The following KCNQ5 variants were observed in gnomAD, a reference collection of about 807,000 sequenced individuals.
KCNQ5 encodes the protein potassium voltage-gated channel subfamily Q member 5, also known as potassium voltage-gated channel subfamily KQT member 5.
A neutral mutation model predicts 98.2 loss-of-function variants in KCNQ5; 30 were observed. The observed-to-expected ratio is 0.31, with a 90% CI of 0.23 to 0.41. The LOEUF is 0.41. KCNQ5 is among the 10% of genes least tolerant of loss of function. The probability of loss-of-function intolerance (pLI) is 1.00; values close to 1 mark genes in which losing one functional copy is unlikely to be tolerated. For synonymous variants in KCNQ5, 458 were observed against 449.4 expected (o/e 1.02, Z -0.24); for missense variants, 835 against 1,182.5 (o/e 0.71, Z 4.31).
At chr6:73,175,558 T>A (rs1316233483) in intron 11 of KCNQ5, among the ~76,000 whole-genome samples, 1 of 152,226 alleles carries the variant, frequency 6.6e-6, no homozygotes, top group Non-Finnish European at 1.5e-5. Flanking sequence ...CCAGGCACCC[T>A]CTGAAGAAGC....
intron 1 of KCNQ5, among the ~76,000 whole-genome samples, chr6:72,880,583 A>G (rs1281397503): frequency 6.6e-6 from 1 of 152,184 alleles, no homozygotes; most frequent in Non-Finnish European, 1.5e-5. Flanking sequence ...GTGAGTAACA[A>G]TGAAGGTTAC....
intron 11 of KCNQ5, among the ~76,000 whole-genome samples, chr6:73,185,882 GA>G (rs1304109993): frequency 2.6e-5 from 4 of 152,170 alleles, no homozygotes; most frequent in African/African-American, 7.2e-5. Context: ...TTCTTTTAAC[GA>G]AAGTATAATG....
At chr6:72,730,996 C>A (rs966395756) in intron 1 of KCNQ5, among the ~76,000 whole-genome samples, 1 of 152,130 alleles carries the variant, frequency 6.6e-6, no homozygotes, top group African/African-American at 2.4e-5. Context: ...AAGCTTTCTT[C>A]ATATGGTTCT....
chr6:72,854,758 T>TGTGTGTGTGTGTGTGTGTG, intron 1 of KCNQ5, among the ~76,000 whole-genome samples: 1 of 127,158 alleles, frequency 7.9e-6, no homozygotes, highest in African/African-American at 3.0e-5. Context: ...ACACCATGGT[T>TGTGTGTGTGTGTGTGTGTG]TGTGTGTGTG....
At chr6:73,065,821 C>T (rs1408823093) in intron 3 of KCNQ5, among the ~76,000 whole-genome samples, 1 of 152,182 alleles carries the variant, frequency 6.6e-6, no homozygotes, top group East Asian at 1.9e-4. Flanking sequence ...GTCATGGCTC[C>T]TCTGAGATGC....
intron 1 of KCNQ5, among the ~76,000 whole-genome samples, chr6:72,770,128 A>G (rs996581482): frequency 6.6e-6 from 1 of 152,194 alleles, no homozygotes; most frequent in Admixed American, 6.5e-5. Context: ...ATGGATTTTA[A>G]TGGCTCATTT....
At position 73,137,049 on chromosome 6, in the gene KCNQ5, A is replaced by T. The variant is rs2797087; in HGVS notation, c.1468+3408A>T. ...TCAGATCAACCTTTAAGTTAATAAC[A>T]AAAAGTTATATTTGGAAAATAATAG... On this transcript the variant is annotated intron_variant, in intron 10 of 13. Transcript: ENST00000370398. Among the ~76,000 whole-genome samples the T allele has an allele frequency of 0.054, 8,243 of 152,272 alleles. 263 individuals carry two copies. The highest frequency in any genetic ancestry group is 0.093 in the African/African-American group (3,856 of 41,562).
At chr6:72,810,992 T>A (rs1775214408) in intron 1 of KCNQ5, among the ~76,000 whole-genome samples, 1 of 152,206 alleles carries the variant, frequency 6.6e-6, no homozygotes, top group Admixed American at 6.5e-5. Context: ...TATAAACTGA[T>A]GAGGTTGATT....
chr6:72,913,250 T>C (rs1780012070), intron 1 of KCNQ5, among the ~76,000 whole-genome samples: 1 of 152,184 alleles, frequency 6.6e-6, no homozygotes, highest in Non-Finnish European at 1.5e-5. Flanking sequence ...GCAGTGTTGA[T>C]GCTAAACAAG....
intron 1 of KCNQ5, among the ~76,000 whole-genome samples, chr6:72,943,591 A>T (rs1382647126): frequency 6.6e-6 from 1 of 152,244 alleles, no homozygotes; most frequent in African/African-American, 2.4e-5. Context: ...GGAGTAGTTT[A>T]TTACTAAGAG....
intron 1 of KCNQ5, among the ~76,000 whole-genome samples, chr6:72,840,449 C>T (rs572496768): frequency 1.5e-4 from 23 of 152,272 alleles, no homozygotes; most frequent in Admixed American, 1.4e-3. Context: ...CAGGCTCTCT[C>T]CTTTATGAAG....
intron 10 of KCNQ5, among the ~76,000 whole-genome samples, chr6:73,138,846 T>C (rs568352092): frequency 8.3e-4 from 126 of 152,336 alleles, no homozygotes; most frequent in African/African-American, 2.7e-3. Context: ...CAGGCACTGA[T>C]GGTAATTCCT....
intron 5 of KCNQ5, among the ~76,000 whole-genome samples, chr6:73,081,113 CA>C (rs1773747168): frequency 2.6e-5 from 4 of 151,918 alleles, no homozygotes; most frequent in Admixed American, 6.6e-5. Context: ...ACAAAAGGAA[CA>C]AAAAAAGAGC....
At chr6:72,694,768 C>T (rs575088776) in intron 1 of KCNQ5, among the ~76,000 whole-genome samples, 74 of 152,270 alleles carry the variant, frequency 4.9e-4, no homozygotes, top group African/African-American at 1.7e-3. Context: ...GACTTTGTTA[C>T]ATGAGTATAT....
intron 10 of KCNQ5, among the ~76,000 whole-genome samples, chr6:73,138,367 A>G (rs1347691408): frequency 1.3e-5 from 2 of 152,232 alleles, no homozygotes; most frequent in African/African-American, 2.4e-5. Context: ...CTAGTTTGCT[A>G]CGAAGGAGTC....
rs74322291 is a variant in KCNQ5 at position 72,899,643 on chromosome 6, C to T, written c.399-104265C>T. On this transcript the variant is annotated intron_variant, in intron 1 of 13. Coordinates refer to ENST00000370398, the MANE Select transcript of KCNQ5 (RefSeq NM_019842.4). ...ATATTTTCTCTTTCTTTGACGTTTT[C>T]GTCTTTTCTTTTTTTATTTTTCCAT... 6.9e-3 allele frequency among the ~76,000 whole-genome samples: 1,047 copies of T among 151,936 alleles called. 14 individuals are homozygous for T. Among genetic ancestry groups the T allele is most frequent in the Admixed American group, 0.021 (318 of 15,278 alleles).
intron 1 of KCNQ5, chr6:72,967,671 C>T (rs542299073): frequency 1.4e-4 from 22 of 154,824 alleles, no homozygotes; most frequent in African/African-American, 4.6e-4. Flanking sequence ...CTTAAGATAT[C>T]AGTCAGAAGG....
intron 9 of KCNQ5, among the ~76,000 whole-genome samples, chr6:73,131,068 A>T (rs957835847): frequency 6.6e-6 from 1 of 152,142 alleles, no homozygotes; most frequent in Non-Finnish European, 1.5e-5. Flanking sequence ...TGATACTAAG[A>T]TTTAGAGAAT....
At chr6:72,648,942 C>T (rs572319335) in intron 1 of KCNQ5, among the ~76,000 whole-genome samples, 7 of 152,174 alleles carry the variant, frequency 4.6e-5, no homozygotes, top group African/African-American at 1.2e-4. Flanking sequence ...CTGGATGATA[C>T]GGGTCAGGAC....
Sources: gnomAD v4.1 joint callset for allele counts (sites outside exome capture counted in the v4.1 genomes callset) on GRCh38, gnomAD v4.1.1 for gene constraint, MANE v1.5 for transcripts, NCBI Gene and HGNC (gene_info 2026-07-23, HGNC 2026-07-21) for gene names.